NDST4: variants seen among roughly 807,000 people sequenced by gnomAD.
NDST4 encodes the protein N-heparan sulfate sulfotransferase 4.
A neutral mutation model predicts 100.8 loss-of-function variants in NDST4; 63 were observed. That is an observed-to-expected ratio of 0.62 (90% confidence interval 0.51 to 0.77). The LOEUF is 0.77. NDST4 is among the 30% of genes least tolerant of loss of function. NDST4 has a pLI of 0.00. For missense variants in NDST4, 943 were observed against 1,018.4 expected (o/e 0.93, Z 1.01); for synonymous variants, 377 against 361.8 (o/e 1.04, Z -0.48).
At chr4:115,093,290 A>G (rs1729555260) in intron 1 of NDST4, among the ~76,000 whole-genome samples, 1 of 152,026 alleles carries the variant, frequency 6.6e-6, no homozygotes, top group Admixed American at 6.6e-5. Flanking sequence ...CCTGGCTAAC[A>G]CGGTGAAACC....
intron 2 of NDST4, among the ~76,000 whole-genome samples, chr4:115,004,793 G>T (rs762946072): frequency 2.0e-5 from 3 of 152,120 alleles, no homozygotes; most frequent in Non-Finnish European, 4.4e-5. Flanking sequence ...CTGGGCAAAA[G>T]TTCCCAGGGT....
intron 7 of NDST4, among the ~76,000 whole-genome samples, chr4:114,861,508 T>C (rs1040773377): frequency 2.0e-5 from 3 of 152,200 alleles, no homozygotes; most frequent in Non-Finnish European, 2.9e-5. Context: ...ATCTCACTGA[T>C]GGATTGCTTT....
At chr4:114,951,123 T>A (rs1246548274) in intron 4 of NDST4, among the ~76,000 whole-genome samples, 1 of 152,062 alleles carries the variant, frequency 6.6e-6, no homozygotes, top group African/African-American at 2.4e-5. Context: ...AGGGATGTAG[T>A]TTTCACACTG....
chr4:114,887,565 T>C (rs1351549564), intron 6 of NDST4, among the ~76,000 whole-genome samples: 3 of 152,068 alleles, frequency 2.0e-5, no homozygotes, highest in Admixed American at 6.6e-5. Flanking sequence ...CTTATAAGCA[T>C]TGATGTCTGC....
chr4:115,075,946 C>A, intron 2 of NDST4, 113 bp downstream of exon 2: 1 of 1,286,948 alleles, frequency 7.8e-7, no homozygotes, highest in Non-Finnish European at 1.0e-6. Flanking sequence ...TATCTTATTT[C>A]AACTCTACTG....
At chr4:114,994,777 GGT>G (rs1247808369) in intron 2 of NDST4, among the ~76,000 whole-genome samples, 1 of 151,822 alleles carries the variant, frequency 6.6e-6, no homozygotes, top group East Asian at 1.9e-4. Flanking sequence ...TATCCTCTTG[GGT>G]TTAAAAAACA....
intron 2 of NDST4, among the ~76,000 whole-genome samples, chr4:115,038,594 T>A (rs1277872426): frequency 2.0e-5 from 3 of 152,214 alleles, no homozygotes; most frequent in Non-Finnish European, 4.4e-5. Flanking sequence ...GTAAAATGAC[T>A]TAACATTTAT....
chr4:114,961,048 C>A (rs1726251690), intron 4 of NDST4, among the ~76,000 whole-genome samples: 1 of 151,880 alleles, frequency 6.6e-6, no homozygotes, highest in Non-Finnish European at 1.5e-5. Context: ...CTGGAAAAGC[C>A]ACTGTGAAAT....
At chr4:115,051,130 T>C (rs1728572984) in intron 2 of NDST4, among the ~76,000 whole-genome samples, 1 of 152,094 alleles carries the variant, frequency 6.6e-6, no homozygotes, top group Non-Finnish European at 1.5e-5. Flanking sequence ...TCCATGCCAG[T>C]TGATTATTGT....
At chr4:114,964,075 T>G (rs1443884573) in intron 4 of NDST4, among the ~76,000 whole-genome samples, 1 of 152,166 alleles carries the variant, frequency 6.6e-6, no homozygotes, top group Non-Finnish European at 1.5e-5. Context: ...TCTGAATCAA[T>G]CTGTCTCTTT....
Position 114,945,037 on chromosome 4 carries a change from C to T in NDST4, c.1222-7534G>A, listed in dbSNP as rs1578405360. Among the ~76,000 whole-genome samples the T allele has an allele frequency of 2.0e-5, 3 of 151,978 alleles. No homozygotes were observed. In the South Asian group the frequency reaches 6.3e-4, roughly 32 times the overall value. On this transcript the variant is annotated intron_variant, in intron 4 of 13. Transcript: ENST00000264363. ...CCAGCCTAACCGACATGGAGAAACC[C>T]TGTCTCTACTAAAAATACAAAATTA...
chr4:114,940,587 A>C (rs1725727251), intron 4 of NDST4, among the ~76,000 whole-genome samples: 1 of 152,162 alleles, frequency 6.6e-6, no homozygotes, highest in African/African-American at 2.4e-5. Context: ...GGGCACCGGC[A>C]GGAGTAGTTG....
chr4:114,835,603 A>T (rs1447823014), intron 11 of NDST4, among the ~76,000 whole-genome samples: 1 of 151,984 alleles, frequency 6.6e-6, no homozygotes, highest in African/African-American at 2.4e-5. Context: ...GTTGATTTGG[A>T]GTGGAGAGTT....
rs1447086846 is a variant in NDST4, at chr4:114,945,204, G to A, written c.1222-7701C>T. 2.4e-3 allele frequency among the ~76,000 whole-genome samples: 109 copies of A among 45,466 alleles called. 2 individuals carry two copies. Among genetic ancestry groups the A allele is most frequent in the Middle Eastern group, 0.025 (1 of 40 alleles). 29.8% of individuals were successfully genotyped at this position (45,466 alleles called of 152,430 possible). ...GCCTGGACAACTAGAATGAAACTCC[G>A]TCTCAAAAAAAAAAAAAAAAAAAAA... On this transcript the variant is annotated intron_variant, in intron 4 of 13. Transcript: ENST00000264363.
In NDST4 at chr4:114,833,724, T is replaced by C. The variant is rs1017131773; in HGVS notation, c.2287-9A>G. ...CCATCAATAATTAGCAACTGTAAAG[T>C]CAGAAATAGTCACTTTATGAAGAAA... On this transcript the variant is annotated splice_polypyrimidine_tract_variant and intron_variant, in intron 11 of 13. Transcript: ENST00000264363. 1 of 1,561,126 alleles carries C rather than the reference T, an allele frequency of 6.4e-7. No individual in the cohort carries two copies. Among genetic ancestry groups the C allele is most frequent in the African/African-American group, 1.4e-5 (1 of 73,340 alleles).
At chr4:114,943,471 T>C (rs1426392935) in intron 4 of NDST4, among the ~76,000 whole-genome samples, 1 of 152,168 alleles carries the variant, frequency 6.6e-6, no homozygotes, top group Non-Finnish European at 1.5e-5. Flanking sequence ...CACTCTCTGA[T>C]TCTTTTCTCC....
chr4:114,972,451 A>G (rs1354792324), intron 3 of NDST4, among the ~76,000 whole-genome samples: 3 of 152,066 alleles, frequency 2.0e-5, no homozygotes, highest in Non-Finnish European at 4.4e-5. Flanking sequence ...CCTATAATTA[A>G]GATGAGCAGA....
chr4:115,100,883 A>G (rs1393612206), intron 1 of NDST4, among the ~76,000 whole-genome samples: 2 of 151,832 alleles, frequency 1.3e-5, no homozygotes, highest in Non-Finnish European at 2.9e-5. Flanking sequence ...TCACATTCAG[A>G]AAGCAAGATG....
intron 2 of NDST4, among the ~76,000 whole-genome samples, chr4:115,059,874 T>C (rs1411523744): frequency 6.6e-6 from 1 of 151,574 alleles, no homozygotes; most frequent in Non-Finnish European, 1.5e-5. Context: ...TTTCTGGTAC[T>C]CAGTCTTACT....
Sources: gnomAD v4.1 joint callset for allele counts (sites outside exome capture counted in the v4.1 genomes callset) on GRCh38, gnomAD v4.1.1 for gene constraint, MANE v1.5 for transcripts, NCBI Gene and HGNC (gene_info 2026-07-23, HGNC 2026-07-21) for gene names.